Variants in MBD5 observed in about 807,000 individuals in gnomAD.
MBD5 encodes the protein methyl-CpG-binding domain protein 5.
Under a neutral mutation model 117.3 loss-of-function variants are expected in MBD5, and 13 were observed. The ratio of observed to expected loss-of-function variants is 0.11; its 90% CI spans 0.07 to 0.18. The LOEUF is 0.18. Ranked by LOEUF, MBD5 falls within the 10% of genes least tolerant of loss-of-function variation. The pLI, the probability that MBD5 is intolerant of heterozygous loss-of-function variation, is 1.00. For synonymous variants in MBD5, 727 were observed against 766.4 expected (o/e 0.95, Z 0.85); for missense variants, 1,879 against 2,093.8 (o/e 0.90, Z 2.00).
chr2:148,182,291 AAGGTATT>A (rs1217318087), intron 2 of MBD5, among the ~76,000 whole-genome samples: 18 of 152,180 alleles, frequency 1.2e-4, no homozygotes, highest in Non-Finnish European at 2.5e-4. Flanking sequence ...AAATAATTAT[AAGGTATT>A]CATCCTGTGG....
chr2:148,050,687 G>A lies in MBD5; in HGVS notation c.-925+29003G>A, dbSNP rs531494930. 7.2e-5 allele frequency among the ~76,000 whole-genome samples: 11 copies of A among 152,184 alleles called. No homozygotes were observed. In the South Asian group the frequency reaches 1.9e-3, roughly 26 times the overall value. ...TATATCCCCCCATTGAATTGCCCTA[G>A]CACTCCTGTCAAAAATCTGTTAATC... On this transcript the variant is annotated intron_variant, in intron 1 of 13. Transcript: ENST00000642680.
rs907317201 is a variant in MBD5 at position 148,483,212 on chromosome 2, C to A, written c.2621C>A (p.Ala874Glu). The A allele has an allele frequency of 3.1e-6, 5 of 1,613,836 alleles. No individual in the cohort carries two copies. The African/African-American group carries it at 6.7e-5, about 22-fold the overall frequency. ...VLQDGVIVTT[A>E]AGNPLQSQLP... ...CAAGATGGCGTCATAGTCACCACTGCAGCTGGAAACCCACTGCAGAGTCAG... is the reference window on the plus strand; with the variant it reads ...CAAGATGGCGTCATAGTCACCACTGAAGCTGGAAACCCACTGCAGAGTCAG... The change falls in exon 9 of 14, where the codon GCA becomes GAA. Residue 874 changes from alanine to glutamate, a missense_variant. Physicochemically the swap from Ala to Glu is moderately radical, Grantham distance 107. This residue lies in a region of MBD5 where 1,666 missense variants were observed against 1,792.2 expected (regional missense o/e 0.93). Transcript: ENST00000642680.
At chr2:148,384,928 A>G (rs1441494599) in intron 4 of MBD5, among the ~76,000 whole-genome samples, 3 of 152,132 alleles carry the variant, frequency 2.0e-5, no homozygotes, top group Admixed American at 6.5e-5. Context: ...GCTGAAACTG[A>G]ATCCCTTCCT....
chr2:148,291,179 T>A (rs983989408), intron 3 of MBD5, among the ~76,000 whole-genome samples: 1 of 152,196 alleles, frequency 6.6e-6, no homozygotes, highest in Non-Finnish European at 1.5e-5. Context: ...GTTTGGGCTA[T>A]TCTACGTTCT....
chr2:148,328,172 C>G (rs201999095), intron 3 of MBD5, among the ~76,000 whole-genome samples: 24 of 147,506 alleles, frequency 1.6e-4, no homozygotes, highest in South Asian at 4.4e-4. Flanking sequence ...GGGTCAGGGA[C>G]CCACTTGAGG....
At chr2:148,501,547 A>G (rs1346027816) in intron 11 of MBD5, among the ~76,000 whole-genome samples, 1 of 152,206 alleles carries the variant, frequency 6.6e-6, no homozygotes, top group African/African-American at 2.4e-5. Flanking sequence ...TGTTTTTCTA[A>G]AAGTGCTTTT....
At chr2:148,245,742 A>G (rs989553747) in intron 3 of MBD5, among the ~76,000 whole-genome samples, 6 of 152,160 alleles carry the variant, frequency 3.9e-5, no homozygotes, top group African/African-American at 7.2e-5. Context: ...CTCTCCCACC[A>G]TTAATCACCT....
intron 1 of MBD5, among the ~76,000 whole-genome samples, chr2:148,167,913 G>A (rs574736261): frequency 1.7e-4 from 26 of 152,060 alleles, no homozygotes; most frequent in Non-Finnish European, 3.1e-4. Context: ...TCACTTTGGG[G>A]CTAGTTAAAT....
At chr2:148,257,412 A>C (rs1262717696) in intron 3 of MBD5, among the ~76,000 whole-genome samples, 1 of 152,252 alleles carries the variant, frequency 6.6e-6, no homozygotes, top group East Asian at 1.9e-4. Flanking sequence ...GGCCCACAAA[A>C]ATTTGCAGCT....
In MBD5 at chr2:148,509,974, G is replaced by T; in HGVS notation, c.5037-86G>T. Reference sequence around the variant, plus strand: ...TAAATTGGCTTTCTCTCGTGGAATTGGTACTTTTGTTTTCTGATTAGGAAA... The same window carrying T: ...TAAATTGGCTTTCTCTCGTGGAATTTGTACTTTTGTTTTCTGATTAGGAAA... On this transcript the variant is annotated intron_variant, in intron 12 of 13. Transcript: ENST00000642680. 2.1e-5 allele frequency: 22 copies of T among 1,052,274 alleles called. No individual in the cohort carries two copies. The South Asian group carries it at 2.8e-4, about 13-fold the overall frequency. The allele number at this position is 1,052,274 out of a possible 1,614,324, so 65.2% of individuals were successfully genotyped here.
chr2:148,043,741 A>T (rs539436174), intron 1 of MBD5, among the ~76,000 whole-genome samples: 81 of 152,316 alleles, frequency 5.3e-4, no homozygotes, highest in African/African-American at 1.9e-3. Flanking sequence ...TGCTGGGTTG[A>T]TAATTTTAGT....
chr2:148,130,170 A>G (rs891953473), intron 1 of MBD5, among the ~76,000 whole-genome samples: 17 of 152,246 alleles, frequency 1.1e-4, no homozygotes, highest in African/African-American at 3.9e-4. Context: ...AGAGAAGACT[A>G]TAACTATCAT....
At chr2:148,112,667 C>T (rs1376130597) in intron 1 of MBD5, among the ~76,000 whole-genome samples, 1 of 152,058 alleles carries the variant, frequency 6.6e-6, no homozygotes, top group Admixed American at 6.6e-5. Flanking sequence ...TCATTTGTTA[C>T]CCAATTATAC....
chr2:148,077,655 C>T (rs1206845047), intron 1 of MBD5, among the ~76,000 whole-genome samples: 36 of 152,080 alleles, frequency 2.4e-4, no homozygotes, highest in Admixed American at 2.1e-3. Flanking sequence ...TACCTAAGGA[C>T]GTGTAAGAAT....
intron 3 of MBD5, among the ~76,000 whole-genome samples, chr2:148,331,015 C>G (rs1218023464): frequency 6.6e-6 from 1 of 152,140 alleles, no homozygotes; most frequent in Admixed American, 6.6e-5. Flanking sequence ...AACCTATGCT[C>G]CTACCCACAA....
Position 148,243,813 on chromosome 2 carries a change from A to G in MBD5, c.-680+10418A>G, listed in dbSNP as rs1361458883. The G allele has an allele frequency of 1.3e-5, 2 of 152,100 alleles. 1 individual carries two copies. Among genetic ancestry groups the G allele is most frequent in the Middle Eastern group, 6.3e-3 (2 of 316 alleles). The allele number at this position is 152,100 out of a possible 1,614,324, so 9.4% of individuals were successfully genotyped here. Reference sequence around the variant, plus strand: ...ATCACCCGGCCTCAAAGAAGCATATAGTTTAGTAGGACAAACAAAAGCACA... The same window carrying G: ...ATCACCCGGCCTCAAAGAAGCATATGGTTTAGTAGGACAAACAAAAGCACA... On this transcript the variant is annotated intron_variant, in intron 3 of 13. Transcript: ENST00000642680.
intron 1 of MBD5, among the ~76,000 whole-genome samples, chr2:148,065,624 G>A (rs570486272): frequency 6.6e-6 from 1 of 152,310 alleles, no homozygotes; most frequent in South Asian, 2.1e-4. Flanking sequence ...GATCATATGA[G>A]TTGCTTCAAA....
At chr2:148,414,070 T>G (rs902035924) in intron 4 of MBD5, among the ~76,000 whole-genome samples, 1 of 152,134 alleles carries the variant, frequency 6.6e-6, no homozygotes, top group Non-Finnish European at 1.5e-5. Context: ...TGTTGTTAAT[T>G]TGAGATCTTC....
intron 3 of MBD5, among the ~76,000 whole-genome samples, chr2:148,274,192 A>G (rs975135277): frequency 2.0e-5 from 3 of 152,020 alleles, no homozygotes; most frequent in Non-Finnish European, 4.4e-5. Flanking sequence ...ACTTTCTACT[A>G]TTCTTATCCT....
Sources: gnomAD v4.1 joint callset for allele counts (sites outside exome capture counted in the v4.1 genomes callset) on GRCh38, gnomAD v4.1.1 for gene constraint, gnomAD v4.1.1 regional missense constraint, MANE v1.5 for transcripts, NCBI Gene and HGNC (gene_info 2026-07-23, HGNC 2026-07-21) for gene names.